TTC39C: variants seen among roughly 807,000 people sequenced by gnomAD.
TTC39C encodes the protein tetratricopeptide repeat protein 39C.
In TTC39C, 33 loss-of-function variants were observed where a neutral mutation model predicts 76.3. The ratio of observed to expected loss-of-function variants is 0.43; its 90% confidence interval spans 0.33 to 0.58. TTC39C has a LOEUF of 0.58. Ranked by LOEUF, TTC39C falls within the 20% of genes least tolerant of loss-of-function variation. The probability of loss-of-function intolerance (pLI) is 0.04; values close to 1 mark genes in which losing one functional copy is unlikely to be tolerated. For missense variants in TTC39C, 595 were observed against 701.4 expected (o/e 0.85, Z 1.71); for synonymous variants, 254 against 260.6 (o/e 0.97, Z 0.24).
At chr18:24,114,708 C>T in intron 7 of TTC39C, 61 bp downstream of exon 7, 1 of 1,320,312 alleles carries the variant, frequency 7.6e-7, no homozygotes, top group Non-Finnish European at 1.1e-6. Context: ...AGTATTTTAG[C>T]TTTCATGCCA....
intron 10 of TTC39C, among the ~76,000 whole-genome samples, chr18:24,125,873 G>A (rs2085044283): frequency 6.6e-6 from 1 of 152,148 alleles, no homozygotes; most frequent in South Asian, 2.1e-4. Context: ...TCATTTAGGT[G>A]TGATTCACAT....
intron 1 of TTC39C, among the ~76,000 whole-genome samples, chr18:24,060,047 G>A (rs1419389020): frequency 1.3e-5 from 2 of 152,052 alleles, no homozygotes; most frequent in African/African-American, 2.4e-5. Context: ...CACAACACTT[G>A]GGAATTATGG....
chr18:23,998,876 C>A (rs1480036223), intron 1 of TTC39C, among the ~76,000 whole-genome samples: 4 of 152,096 alleles, frequency 2.6e-5, no homozygotes, highest in Non-Finnish European at 5.9e-5. Context: ...TTTTATCCTG[C>A]TGCTCGGGAA....
chr18:24,002,471 TGG>T (rs1160554369), intron 1 of TTC39C, among the ~76,000 whole-genome samples: 3 of 152,102 alleles, frequency 2.0e-5, no homozygotes, highest in Admixed American at 1.3e-4. Flanking sequence ...TAAGGGCAGG[TGG>T]TGTTGGAAAA....
At chr18:24,023,950 GTATATATATATA>G in intron 1 of TTC39C, among the ~76,000 whole-genome samples, 1 of 16,904 alleles carries the variant, frequency 5.9e-5, no homozygotes, top group Non-Finnish European at 2.8e-4. Flanking sequence ...ATATATGCAT[GTATATATATATA>G]TATATATATA....
At chr18:24,107,238 A>C (rs1461490320) in intron 6 of TTC39C, among the ~76,000 whole-genome samples, 1 of 152,118 alleles carries the variant, frequency 6.6e-6, no homozygotes, top group African/African-American at 2.4e-5. Context: ...GTTAGCTCCC[A>C]AATACCTCAT....
chr18:24,007,671 A>G (rs2083364993), intron 1 of TTC39C, among the ~76,000 whole-genome samples: 1 of 152,216 alleles, frequency 6.6e-6, no homozygotes, highest in African/African-American at 2.4e-5. Context: ...GGCATGAGCC[A>G]CCTCACCCAG....
chr18:24,116,505 C>T (rs73406132), intron 7 of TTC39C, among the ~76,000 whole-genome samples: 14,844 of 152,222 alleles, frequency 0.098, 1,551 homozygotes, highest in East Asian at 0.27. Flanking sequence ...TGAGATCCCA[C>T]CACTGCACTC....
chr18:24,016,784 C>T, intron 1 of TTC39C: 1 of 398,518 alleles, frequency 2.5e-6, no homozygotes, highest in Non-Finnish European at 4.4e-6. Context: ...CCTTGTATAG[C>T]TAGGTGCTGT....
At position 24,033,007 on chromosome 18, in the gene TTC39C, C is replaced by T. The variant is rs559997095; in HGVS notation, c.167+17969C>T. On this transcript the variant is annotated intron_variant, in intron 1 of 13. Coordinates refer to ENST00000317571, the MANE Select transcript of TTC39C (RefSeq NM_001135993.2). ...GTGGCTCACACTTGTATTCCCAGCA[C>T]GTTGGAAGGTGAAGTCGAGTGGATC... is the stretch of plus-strand genomic sequence containing the variant. Among the ~76,000 whole-genome samples the T allele has an allele frequency of 5.3e-5, 8 of 152,290 alleles. No individual in the cohort carries two copies. In the South Asian group the frequency reaches 8.3e-4, roughly 16 times the overall value.
At chr18:24,019,932 G>C (rs2083499355) in intron 1 of TTC39C, 2 of 1,518,744 alleles carry the variant, frequency 1.3e-6, no homozygotes, top group African/African-American at 2.8e-5. Flanking sequence ...AAGAGATGTT[G>C]AGTCAGCAGG....
At chr18:24,118,727 A>C (rs2084927581) in intron 8 of TTC39C, among the ~76,000 whole-genome samples, 1 of 150,346 alleles carries the variant, frequency 6.7e-6, no homozygotes, top group Admixed American at 6.6e-5. Flanking sequence ...ATCACAGCTC[A>C]CTATAGCCTC....
intron 1 of TTC39C, among the ~76,000 whole-genome samples, chr18:24,023,991 TATATATATATATA>T (rs1568409053): frequency 3.7e-4 from 2 of 5,398 alleles, no homozygotes; most frequent in African/African-American, 1.1e-3. Context: ...CATATATATA[TATATATATATATA>T]TATATATATA....
intron 3 of TTC39C, among the ~76,000 whole-genome samples, chr18:24,067,036 G>T (rs2084174936): frequency 6.6e-6 from 1 of 152,206 alleles, no homozygotes; most frequent in South Asian, 2.1e-4. Flanking sequence ...AGAAAAAAGG[G>T]AAACAGATCA....
chr18:24,011,181 A>G (rs952783294), upstream of TTC39C, among the ~76,000 whole-genome samples: 3 of 152,306 alleles, frequency 2.0e-5, no homozygotes, highest in Admixed American at 1.3e-4. Context: ...TTTCCCAGCC[A>G]GGTAGTTTGG....
intron 4 of TTC39C, among the ~76,000 whole-genome samples, chr18:24,069,805 A>G (rs2084215027): frequency 6.6e-6 from 1 of 152,206 alleles, no homozygotes; most frequent in Admixed American, 6.5e-5. Flanking sequence ...TTCTAGGCTT[A>G]GCTTTAATTT....
intron 1 of TTC39C, among the ~76,000 whole-genome samples, chr18:24,043,190 A>G (rs1378228359): frequency 6.6e-6 from 1 of 152,168 alleles, no homozygotes; most frequent in East Asian, 1.9e-4. Flanking sequence ...TGAAAGAAGA[A>G]TGAAATAAAA....
chr18:24,085,807 G>A (rs1044550919), intron 6 of TTC39C, among the ~76,000 whole-genome samples: 3 of 152,316 alleles, frequency 2.0e-5, no homozygotes, highest in South Asian at 2.1e-4. Flanking sequence ...TAGCTTTAGG[G>A]CCAGACAAAA....
chr18:24,067,142 T>C (rs970472585), intron 3 of TTC39C, among the ~76,000 whole-genome samples: 1 of 152,362 alleles, frequency 6.6e-6, no homozygotes, highest in Middle Eastern at 3.4e-3. Flanking sequence ...ATTTAACTTA[T>C]TCAAGTTTGT....
Sources: gnomAD v4.1 joint callset for allele counts (sites outside exome capture counted in the v4.1 genomes callset) on GRCh38, gnomAD v4.1.1 for gene constraint, MANE v1.5 for transcripts, NCBI Gene and HGNC (gene_info 2026-07-23, HGNC 2026-07-21) for gene names.